ZNF680: variants seen among roughly 807,000 people sequenced by gnomAD.
ZNF680 encodes the protein hypothetical protein FLJ90430.
Under a neutral mutation model 12.1 loss-of-function variants are expected in ZNF680, and 6 were observed. The observed-to-expected ratio is 0.49, with a 90% CI of 0.27 to 0.98. The LOEUF (loss-of-function observed/expected upper bound fraction) is 0.98, where lower values mean the gene tolerates loss of function less well. ZNF680 is among the 50% of genes least tolerant of loss of function. The pLI is 0.12. For synonymous variants in ZNF680, 170 were observed against 199.3 expected (o/e 0.85, Z 1.24); for missense variants, 561 against 616.3 (o/e 0.91, Z 0.95).
At chr7:64,504,304 T>G in the ZNF680 span, among the ~76,000 whole-genome samples, 17 of 152,248 alleles carry the variant, frequency 1.1e-4, no homozygotes, top group African/African-American at 4.1e-4. Context: ...TATCGCTGTT[T>G]AACGATGATG....
chr7:64,506,288 G>A, the ZNF680 span, among the ~76,000 whole-genome samples: 2 of 146,496 alleles, frequency 1.4e-5, no homozygotes, highest in African/African-American at 2.5e-5. Context: ...TGCAAGCTCC[G>A]CCTCCCGGGT....
At chr7:64,524,750 T>G (rs1791739497) in intron 3 of ZNF680, 1 of 152,134 alleles carries the variant, frequency 6.6e-6, no homozygotes, top group Non-Finnish European at 1.5e-5. Context: ...TCATACGAAA[T>G]TCTCCTTGAT....
the ZNF680 span, chr7:64,501,632 AG>A: frequency 1.3e-6 from 1 of 798,740 alleles, no homozygotes; most frequent in Non-Finnish European, 2.2e-6. Flanking sequence ...ATGATAATGA[AG>A]GTGGGGGATG....
chr7:64,514,071 T>C, the ZNF680 span, among the ~76,000 whole-genome samples: 2 of 152,228 alleles, frequency 1.3e-5, no homozygotes, highest in Non-Finnish European at 2.9e-5. Context: ...TCAAGTGTTT[T>C]AAACCTCCAA....
chr7:64,555,538 C>T (rs909603927), intron 1 of ZNF680, among the ~76,000 whole-genome samples: 53 of 151,946 alleles, frequency 3.5e-4, no homozygotes, highest in African/African-American at 9.7e-4. Context: ...GCACTAAAAG[C>T]TCACATCCAA....
At chr7:64,501,827 C>T in the ZNF680 span, 1 of 600,138 alleles carries the variant, frequency 1.7e-6, no homozygotes. Flanking sequence ...CTAGTATCTT[C>T]AGCACATGCT....
chr7:64,528,745 G>A (rs569321943), intron 3 of ZNF680, among the ~76,000 whole-genome samples: 35 of 152,116 alleles, frequency 2.3e-4, no homozygotes, highest in East Asian at 7.7e-4. Flanking sequence ...ACCCACACTC[G>A]TATCTGAACA....
chr7:64,559,050 T>C (rs926365088), intron 1 of ZNF680, among the ~76,000 whole-genome samples: 6 of 152,182 alleles, frequency 3.9e-5, no homozygotes, highest in African/African-American at 9.6e-5. Context: ...ATATTTTACA[T>C]GTAGAAAGAA....
intron 3 of ZNF680, among the ~76,000 whole-genome samples, chr7:64,537,653 T>C (rs553013711): frequency 8.5e-5 from 13 of 152,202 alleles, no homozygotes; most frequent in Non-Finnish European, 1.2e-4. Context: ...GACGGCCAGG[T>C]GCGCTGGCTC....
chr7:64,500,299 T>A, the ZNF680 span, among the ~76,000 whole-genome samples: 1 of 150,830 alleles, frequency 6.6e-6, no homozygotes, highest in African/African-American at 2.4e-5. Context: ...CTCCTGGATA[T>A]AAAAAAAGGA....
chr7:64,542,535 A>G (rs1786559851), intron 3 of ZNF680, among the ~76,000 whole-genome samples: 2 of 152,208 alleles, frequency 1.3e-5, no homozygotes, highest in African/African-American at 4.8e-5. Flanking sequence ...AAAATATAAA[A>G]TTAACATACA....
At chr7:64,501,748 A>T in the ZNF680 span, 1 of 874,648 alleles carries the variant, frequency 1.1e-6, no homozygotes, top group Non-Finnish European at 1.9e-6. Flanking sequence ...TGGGGGTTAG[A>T]AATCTTATCC....
At chr7:64,513,189 A>C in the ZNF680 span, among the ~76,000 whole-genome samples, 1 of 152,108 alleles carries the variant, frequency 6.6e-6, no homozygotes, top group East Asian at 1.9e-4. Context: ...AATTGCTGAA[A>C]GTTATCATTA....
At chr7:64,531,595 TCAAA>T (rs1785887691) in intron 3 of ZNF680, among the ~76,000 whole-genome samples, 1 of 40,802 alleles carries the variant, frequency 2.5e-5, no homozygotes, top group Non-Finnish European at 4.6e-5. Context: ...AGACTCCGTC[TCAAA>T]AAAAAAAAAA....
chr7:64,535,604 C>T (rs1213035864), intron 3 of ZNF680, among the ~76,000 whole-genome samples: 2 of 152,174 alleles, frequency 1.3e-5, no homozygotes, highest in South Asian at 2.1e-4. Flanking sequence ...ATAGTAACCA[C>T]GATTGGGTGA....
intron 1 of ZNF680, among the ~76,000 whole-genome samples, chr7:64,553,496 G>C (rs1387082505): frequency 5.3e-5 from 8 of 152,174 alleles, no homozygotes; most frequent in Non-Finnish European, 8.8e-5. Context: ...GTAGACACTG[G>C]ATTCAGGCAT....
chr7:64,516,483 A>G (rs1313736857), downstream of ZNF680, among the ~76,000 whole-genome samples: 3 of 152,220 alleles, frequency 2.0e-5, no homozygotes, highest in Admixed American at 1.3e-4. Context: ...TAACTATTAG[A>G]CCTAAGAAAT....
the ZNF680 span, chr7:64,501,737 G>T: frequency 1.1e-6 from 1 of 914,786 alleles, no homozygotes; most frequent in Non-Finnish European, 1.8e-6. Context: ...TAAGCACATA[G>T]TGGGGGTTAG....
chr7:64,538,730 G>A (rs75976741), intron 3 of ZNF680, among the ~76,000 whole-genome samples: 1 of 152,076 alleles, frequency 6.6e-6, no homozygotes, highest in Non-Finnish European at 1.5e-5. Flanking sequence ...ATTAAAAATG[G>A]AATTATTAAA....
Sources: gnomAD v4.1 joint callset for allele counts (sites outside exome capture counted in the v4.1 genomes callset) on GRCh38, gnomAD v4.1.1 for gene constraint, MANE v1.5 for transcripts, NCBI Gene and HGNC (gene_info 2026-07-23, HGNC 2026-07-21) for gene names.